IL1RAPL2: variants seen among roughly 807,000 people sequenced by gnomAD.
IL1RAPL2 encodes the protein X-linked interleukin-1 receptor accessory protein-like 2.
Under a neutral mutation model 44.1 loss-of-function variants are expected in IL1RAPL2, and 3 were observed. The observed-to-expected ratio is 0.07, with a 90% CI of 0.03 to 0.18. The LOEUF (loss-of-function observed/expected upper bound fraction) is 0.18. Among genes scored for constraint, IL1RAPL2 ranks in the 10% least tolerant of loss-of-function variants. The probability of loss-of-function intolerance (pLI) is 1.00; values close to 1 mark genes in which losing one functional copy is unlikely to be tolerated. For missense variants in IL1RAPL2, 391 were observed against 496.4 expected, an observed-to-expected ratio of 0.79 and a Z score of 2.02; for synonymous variants, 181 against 178.8, an observed-to-expected ratio of 1.01 and a Z score of -0.10.
chrX:105,233,789 G>T (rs782651222), intron 3 of IL1RAPL2, 29 bp from the exon 4 acceptor site: 2 of 1,143,533 alleles, frequency 1.7e-6, no homozygotes, highest in East Asian at 6.0e-5. Context: ...ACCCAATAAA[G>T]CCATTTTGTT....
intron 6 of IL1RAPL2, among the ~76,000 whole-genome samples, chrX:105,538,156 T>C (rs5916920): frequency 0.36 from 37,496 of 104,602 alleles, 5,716 homozygotes; most frequent in South Asian, 0.49. Context: ...CCTGCCTCAG[T>C]CTCCCGAGTA....
chrX:105,410,398 T>G (rs2035686598), intron 5 of IL1RAPL2, among the ~76,000 whole-genome samples: 1 of 108,972 alleles, frequency 9.2e-6, no homozygotes. Flanking sequence ...GAGGGATTAG[T>G]AAACTATGCC....
At chrX:104,661,375 C>T (rs1000181420) in intron 2 of IL1RAPL2, among the ~76,000 whole-genome samples, 2 of 111,203 alleles carry the variant, frequency 1.8e-5, no homozygotes, top group East Asian at 2.9e-4. Flanking sequence ...ATGGTGTATA[C>T]GGAGTAGGCA....
At chrX:105,645,504 G>C (rs2037599219) in intron 6 of IL1RAPL2, among the ~76,000 whole-genome samples, 1 of 111,878 alleles carries the variant, frequency 8.9e-6, no homozygotes, top group African/African-American at 3.3e-5. Flanking sequence ...TAAGTAATAT[G>C]AATAGTCTTG....
chrX:104,631,690 G>GT (rs1569284945), intron 1 of IL1RAPL2, among the ~76,000 whole-genome samples: 1 of 111,705 alleles, frequency 9.0e-6, no homozygotes, highest in African/African-American at 3.3e-5. Flanking sequence ...GGGGTTGTTT[G>GT]TTTTTTTCTT....
chrX:105,110,941 A>G (rs1053204071), intron 2 of IL1RAPL2, among the ~76,000 whole-genome samples: 16 of 111,861 alleles, frequency 1.4e-4, no homozygotes, highest in African/African-American at 5.2e-4. Flanking sequence ...CACCTCAAAA[A>G]AATAAGTAGA....
chrX:105,566,010 G>A (rs771159707), intron 6 of IL1RAPL2, among the ~76,000 whole-genome samples: 41 of 111,253 alleles, frequency 3.7e-4, no homozygotes, highest in Middle Eastern at 9.1e-3. Flanking sequence ...GAGAGTTGCC[G>A]TCCTAACTTG....
chrX:105,025,497 T>C (rs750650424), intron 2 of IL1RAPL2, among the ~76,000 whole-genome samples: 20 of 111,769 alleles, frequency 1.8e-4, no homozygotes, highest in Admixed American at 4.8e-4. Context: ...AGGATTAATG[T>C]TGAAAATTGT....
At chrX:104,915,051 C>A (rs1294314848) in intron 2 of IL1RAPL2, among the ~76,000 whole-genome samples, 1 of 111,763 alleles carries the variant, frequency 8.9e-6, no homozygotes, top group Non-Finnish European at 1.9e-5. Flanking sequence ...TTTATAGTAG[C>A]ATGATTTATA....
intron 2 of IL1RAPL2, among the ~76,000 whole-genome samples, chrX:104,857,261 G>C (rs1472989332): frequency 9.0e-6 from 1 of 111,677 alleles, no homozygotes; most frequent in Non-Finnish European, 1.9e-5. Flanking sequence ...TATAGGTTTA[G>C]GACATAAGAT....
chrX:104,994,705 G>C (rs960944018), intron 2 of IL1RAPL2, among the ~76,000 whole-genome samples: 1 of 110,992 alleles, frequency 9.0e-6, no homozygotes, highest in African/African-American at 3.3e-5. Flanking sequence ...CAATGAAATT[G>C]ATAGAATGTG....
intron 2 of IL1RAPL2, among the ~76,000 whole-genome samples, chrX:104,801,443 G>GT (rs5903251): frequency 9.3e-6 from 1 of 107,116 alleles, no homozygotes; most frequent in African/African-American, 3.4e-5. Flanking sequence ...AGTTGTTGTT[G>GT]TTTTTTTTTT....
chrX:104,576,431 G>T (rs1384864815), intron 1 of IL1RAPL2, among the ~76,000 whole-genome samples: 1 of 111,948 alleles, frequency 8.9e-6, no homozygotes. Flanking sequence ...TGGAGCCATA[G>T]ACATAGCCCT....
chrX:105,128,540 C>T (rs915923425), intron 2 of IL1RAPL2, among the ~76,000 whole-genome samples: 8 of 111,259 alleles, frequency 7.2e-5, no homozygotes, highest in African/African-American at 2.6e-4. Flanking sequence ...TGGTATGATA[C>T]ATATAACTCA....
intron 7 of IL1RAPL2, among the ~76,000 whole-genome samples, chrX:105,738,307 GTTAT>G (rs2038467134): frequency 9.0e-6 from 1 of 111,678 alleles, no homozygotes; most frequent in Middle Eastern, 4.2e-3. Flanking sequence ...GCGTATGGTA[GTTAT>G]TTTACAGTTT....
intron 1 of IL1RAPL2, among the ~76,000 whole-genome samples, chrX:104,632,270 T>C (rs1232991579): frequency 1.8e-5 from 2 of 111,751 alleles, no homozygotes; most frequent in Non-Finnish European, 3.8e-5. Context: ...TGAAGTCAGG[T>C]AGCTCGATGC....
chrX:104,908,752 C>T (rs1360742783), intron 2 of IL1RAPL2, among the ~76,000 whole-genome samples: 3 of 108,973 alleles, frequency 2.8e-5, no homozygotes, highest in Non-Finnish European at 5.7e-5. Flanking sequence ...TCCTTCATTT[C>T]AACTTTGGTG....
intron 1 of IL1RAPL2, among the ~76,000 whole-genome samples, chrX:104,636,235 A>T (rs188974385): frequency 2.2e-4 from 25 of 111,667 alleles, no homozygotes; most frequent in African/African-American, 8.1e-4. Flanking sequence ...CGGGCATGTG[A>T]GGTGTCAGTC....
chrX:105,683,350 C>T, intron 6 of IL1RAPL2, among the ~76,000 whole-genome samples: 1 of 111,733 alleles, frequency 8.9e-6, no homozygotes, highest in Non-Finnish European at 1.9e-5. Context: ...TATCATTATA[C>T]TCCTTCATCT....
Sources: allele counts gnomAD v4.1 joint callset (sites outside exome capture counted in the v4.1 genomes callset), GRCh38; gene constraint gnomAD v4.1.1; transcripts MANE v1.5; gene names NCBI Gene and HGNC (gene_info 2026-07-23, HGNC 2026-07-21).